Variants in JAK2 observed in about 807,000 individuals in gnomAD.
The protein encoded by JAK2 is Janus kinase 2.
A neutral mutation model predicts 139.3 loss-of-function variants in JAK2; 86 were observed. That is an observed-to-expected ratio of 0.62 (90% CI 0.52 to 0.74). JAK2 has a LOEUF of 0.74. JAK2 is among the 30% of genes least tolerant of loss of function. JAK2 has a pLI of 0.00. For synonymous variants in JAK2, 490 were observed against 437.7 expected (o/e 1.12, Z -1.49); for missense variants, 1,421 against 1,360.3 (o/e 1.04, Z -0.70).
intron 19 of JAK2, chr9:5,085,536 A>G (rs1229383849): frequency 1.4e-6 from 1 of 709,706 alleles, no homozygotes; most frequent in Non-Finnish European, 2.6e-6. Flanking sequence ...AATCTTCAAT[A>G]ACTCGGGTTA....
At chr9:5,000,811 A>G (rs12347727) in intron 2 of JAK2, among the ~76,000 whole-genome samples, 40,100 of 152,054 alleles carry the variant, frequency 0.26, 5,497 homozygotes, top group South Asian at 0.32. Context: ...CTGGATAAAG[A>G]AGGTGGTTGG....
chr9:5,001,483 T>G (rs1045851580), intron 2 of JAK2, among the ~76,000 whole-genome samples: 2 of 152,182 alleles, frequency 1.3e-5, no homozygotes, highest in African/African-American at 4.8e-5. Context: ...ATGAGGTAAA[T>G]TGCATTGATT....
intron 22 of JAK2, among the ~76,000 whole-genome samples, chr9:5,122,274 A>G (rs913750956): frequency 6.6e-6 from 1 of 152,172 alleles, no homozygotes. Flanking sequence ...CACTAGGCCA[A>G]AACGTTCCCT....
At chr9:5,003,128 A>G (rs551047138) in intron 2 of JAK2, among the ~76,000 whole-genome samples, 4 of 151,944 alleles carry the variant, frequency 2.6e-5, no homozygotes, top group East Asian at 3.9e-4. Flanking sequence ...TGCTTGTTCT[A>G]TCTTTATGAT....
intron 22 of JAK2, among the ~76,000 whole-genome samples, chr9:5,091,854 T>C (rs917688246): frequency 2.0e-5 from 3 of 152,082 alleles, no homozygotes; most frequent in African/African-American, 7.2e-5. Context: ...TTGTTAGTTA[T>C]GAAATTAAGC....
intron 5 of JAK2, among the ~76,000 whole-genome samples, chr9:5,048,034 A>G (rs1817141128): frequency 6.6e-6 from 1 of 152,094 alleles, no homozygotes; most frequent in South Asian, 2.1e-4. Context: ...ATAGTTTATT[A>G]TGTTTTTAGT....
At chr9:5,106,867 T>C (rs1166424940) in intron 22 of JAK2, among the ~76,000 whole-genome samples, 1 of 152,014 alleles carries the variant, frequency 6.6e-6, no homozygotes, top group African/African-American at 2.4e-5. Flanking sequence ...CTTGGACACA[T>C]GGCAGGGAAC....
chr9:5,025,506 C>T (rs1822722871), intron 3 of JAK2, among the ~76,000 whole-genome samples: 1 of 147,610 alleles, frequency 6.8e-6, no homozygotes, highest in African/African-American at 2.5e-5. Context: ...TTCTTTTCTT[C>T]TTCTTTTGTT....
At chr9:5,108,618 G>A (rs897016275) in intron 22 of JAK2, 4 of 151,970 alleles carry the variant, frequency 2.6e-5, no homozygotes, top group African/African-American at 9.7e-5. Flanking sequence ...AGTACTTGCA[G>A]CGGTACTCCT....
In JAK2 at chr9:5,112,619, C is replaced by G. The variant is rs981235206; in HGVS notation, c.3060-10385C>G. 1.5e-5 allele frequency: 14 copies of G among 948,414 alleles called. No individual in the cohort carries two copies. In the African/African-American group the frequency reaches 2.0e-4, roughly 14 times the overall value. The allele number at this position is 948,414 out of a possible 1,614,324, so 58.7% of individuals were successfully genotyped here. On this transcript the variant is annotated intron_variant, in intron 22 of 24. Coordinates refer to ENST00000381652, the MANE Select transcript of JAK2 (RefSeq NM_004972.4). ...TAAGGAGCTGGGGCGCATGTGGCAACTGCACCTCAACAGCGAGAAGCCCCA... is the reference window on the plus strand; with the variant it reads ...TAAGGAGCTGGGGCGCATGTGGCAAGTGCACCTCAACAGCGAGAAGCCCCA...
At chr9:5,011,976 T>C (rs868698049) in intron 2 of JAK2, among the ~76,000 whole-genome samples, 2 of 152,236 alleles carry the variant, frequency 1.3e-5, no homozygotes, top group South Asian at 4.1e-4. Context: ...CAGGACCAGA[T>C]AGCTGTTGAA....
intron 22 of JAK2, among the ~76,000 whole-genome samples, chr9:5,120,494 T>A (rs1184383248): frequency 2.0e-5 from 3 of 152,230 alleles, no homozygotes; most frequent in Admixed American, 1.3e-4. Context: ...TCGAAAAGGC[T>A]CTTTTGTTTT....
In JAK2 at chr9:5,128,586, G is replaced by A. The variant is rs1478727831; in HGVS notation, c.*1795G>A. On this transcript the variant is annotated 3_prime_UTR_variant, in exon 25 of 25. Coordinates refer to ENST00000381652, the MANE Select transcript of JAK2 (RefSeq NM_004972.4). ...CTAACATTGCTTTTTAAAACAAGAT[G>A]TGAACTAACTTTTCTTAAACATTTT... is the stretch of plus-strand genomic sequence containing the variant. Among the ~76,000 whole-genome samples the A allele has an allele frequency of 1.3e-5, 2 of 151,864 alleles. No individual in the cohort carries two copies. The highest frequency in any genetic ancestry group is 2.4e-5 in the African/African-American group (1 of 41,428).
chr9:5,048,341 C>G (rs1817173419), intron 5 of JAK2, among the ~76,000 whole-genome samples: 1 of 152,070 alleles, frequency 6.6e-6, no homozygotes. Context: ...TGGGGTTTCA[C>G]TATGTTGGCC....
At chr9:4,990,208 C>A (rs1820162329) in intron 2 of JAK2, among the ~76,000 whole-genome samples, 1 of 152,166 alleles carries the variant, frequency 6.6e-6, no homozygotes, top group African/African-American at 2.4e-5. Context: ...CGGAGGAAAT[C>A]AAAGAGTGTT....
intron 4 of JAK2, chr9:5,042,003 C>T (rs1396648225): frequency 5.7e-6 from 2 of 348,458 alleles, no homozygotes; most frequent in Admixed American, 8.1e-5. Context: ...TTGGGGCCCA[C>T]CCACAGCGGC....
rs542538530 is a variant in JAK2, at chr9:5,106,145, T to G, written c.3059+15234T>G. 4.6e-5 allele frequency among the ~76,000 whole-genome samples: 7 copies of G among 152,012 alleles called. No homozygotes were observed. In the South Asian group the frequency reaches 1.5e-3, roughly 32 times the overall value. On this transcript the variant is annotated intron_variant, in intron 22 of 24. Transcript: ENST00000381652. ...GGCAACCTACAGAATGGGAGAAAAT[T>G]TTTGCAATCTACCCATCAGACAAAG...
intron 22 of JAK2, among the ~76,000 whole-genome samples, chr9:5,104,010 A>G (rs1353899936): frequency 1.3e-5 from 2 of 152,204 alleles, no homozygotes; most frequent in Non-Finnish European, 2.9e-5. Context: ...TAAAAGAACT[A>G]CAGAAGCAAG....
At chr9:4,993,200 C>G (rs1033864398) in intron 2 of JAK2, among the ~76,000 whole-genome samples, 2 of 152,180 alleles carry the variant, frequency 1.3e-5, no homozygotes, top group Non-Finnish European at 2.9e-5. Flanking sequence ...CCCCTAAGCT[C>G]TGTGTGAGTC....
Sources: allele counts gnomAD v4.1 joint callset (sites outside exome capture counted in the v4.1 genomes callset), GRCh38; gene constraint gnomAD v4.1.1; transcripts MANE v1.5; gene names NCBI Gene and HGNC (gene_info 2026-07-23, HGNC 2026-07-21).